Variants in TBC1D32 observed in about 807,000 individuals in gnomAD.
The protein encoded by TBC1D32 is TBC1 domain family member 32, also known as protein broad-minded.
In TBC1D32, 151 loss-of-function variants were observed where a neutral mutation model predicts 170.3. The ratio of observed to expected loss-of-function variants is 0.89; its 90% CI spans 0.78 to 1.01. The LOEUF is 1.01. Ranked by LOEUF, TBC1D32 falls within the 50% of genes least tolerant of loss-of-function variation. TBC1D32 has a pLI of 0.00. For missense variants in TBC1D32, 1,464 were observed against 1,457.1 expected (o/e 1.00, Z -0.08); for synonymous variants, 498 against 488.0 (o/e 1.02, Z -0.27).
At chr6:121,201,720 T>C (rs1791589020) in intron 22 of TBC1D32, among the ~76,000 whole-genome samples, 1 of 151,164 alleles carries the variant, frequency 6.6e-6, no homozygotes, top group Non-Finnish European at 1.5e-5. Flanking sequence ...TATAAAAGAA[T>C]TTATTTTTAT....
Position 121,279,125 on chromosome 6 carries a change from C to T in TBC1D32, c.1729G>A (p.Glu577Lys). The T allele has an allele frequency of 6.3e-7, 1 of 1,595,966 alleles. No homozygotes were observed. The highest frequency in any genetic ancestry group is 8.5e-7 in the Non-Finnish European group (1 of 1,175,470). The change falls in exon 15 of 32, where the codon GAA becomes AAA. Residue 577 changes from glutamate (E) to lysine (K), a missense_variant. This residue lies in a region of TBC1D32 where 1,363 missense variants were observed against 1,338.1 expected (regional missense o/e 1.02). Coordinates refer to ENST00000398212, the MANE Select transcript of TBC1D32 (RefSeq NM_152730.6). ...CGGATTTAAAATAGCACATACCTTT[C>T]TTCAGAAGAGTTCATATTTGCTCCA... The part of the protein sequence containing the change: ...LYGANMNSSE[E>K]SPTGAHIIAQ...
intron 22 of TBC1D32, among the ~76,000 whole-genome samples, chr6:121,168,712 T>TAATAAAAAAAA (rs748287642): frequency 5.3e-5 from 5 of 93,898 alleles, no homozygotes; most frequent in East Asian, 8.7e-4. Flanking sequence ...TAGAGTATAA[T>TAATAAAAAAAA]AAAAAAAAAA....
chr6:121,334,450 CA>C lies in TBC1D32; in HGVS notation c.-21del. 6.2e-7 allele frequency: 1 copy of C among 1,608,556 alleles called. No homozygotes were observed. Among genetic ancestry groups the C allele is most frequent in the Admixed American group, 1.7e-5 (1 of 59,012 alleles). Reference sequence around the variant, plus strand: ...GGCCATCCTGTTGGAATCAAACGTCCACTCTCATTACTCCAGGTCCGAGCAA... The same window carrying C: ...GGCCATCCTGTTGGAATCAAACGTCCCTCTCATTACTCCAGGTCCGAGCAA... On this transcript the variant is annotated 5_prime_UTR_variant, in exon 1 of 32. It removes the in-frame stop codon of an upstream open reading frame in the 5' UTR. Transcript: ENST00000398212.
chr6:121,253,845 A>G (rs747335402), intron 17 of TBC1D32, among the ~76,000 whole-genome samples: 1 of 152,214 alleles, frequency 6.6e-6, no homozygotes, highest in Non-Finnish European at 1.5e-5. Flanking sequence ...TAAAGAACTA[A>G]AAGTAGAACT....
chr6:121,278,935 G>A (rs1283576069), intron 15 of TBC1D32, among the ~76,000 whole-genome samples, 186 bp downstream of exon 15: 2 of 152,004 alleles, frequency 1.3e-5, no homozygotes, highest in Non-Finnish European at 2.9e-5. Flanking sequence ...GGGGAGTAAG[G>A]AAACCCATCG....
chr6:121,188,604 A>T (rs553426376), intron 22 of TBC1D32, among the ~76,000 whole-genome samples: 1 of 152,212 alleles, frequency 6.6e-6, no homozygotes, highest in East Asian at 1.9e-4. Context: ...TATTTTTAAA[A>T]CCTGGAGATG....
intron 22 of TBC1D32, among the ~76,000 whole-genome samples, chr6:121,194,164 G>A (rs1267595500): frequency 6.6e-6 from 1 of 152,176 alleles, no homozygotes. Flanking sequence ...CGGAGTTTTA[G>A]CTCACGTTGA....
At chr6:121,083,584 T>C (rs1775871516) in intron 31 of TBC1D32, among the ~76,000 whole-genome samples, 1 of 149,680 alleles carries the variant, frequency 6.7e-6, no homozygotes, top group African/African-American at 2.5e-5. Context: ...AAATATGCAT[T>C]CATCTGTTTT....
intron 22 of TBC1D32, among the ~76,000 whole-genome samples, chr6:121,176,419 C>T (rs1308266146): frequency 6.6e-6 from 1 of 152,142 alleles, no homozygotes; most frequent in Non-Finnish European, 1.5e-5. Context: ...GAGAAGTACA[C>T]ATTGAGCATC....
chr6:121,252,176 G>A (rs921084450), intron 17 of TBC1D32, among the ~76,000 whole-genome samples: 8 of 152,136 alleles, frequency 5.3e-5, no homozygotes, highest in African/African-American at 1.9e-4. Flanking sequence ...GATTCCTCAA[G>A]AATCTAGAAC....
At chr6:121,183,186 A>G (rs1285981706) in intron 22 of TBC1D32, among the ~76,000 whole-genome samples, 1 of 152,050 alleles carries the variant, frequency 6.6e-6, no homozygotes, top group Non-Finnish European at 1.5e-5. Context: ...ACTTTTATCA[A>G]GATTTAGAGA....
intron 30 of TBC1D32, among the ~76,000 whole-genome samples, chr6:121,105,507 G>A (rs1778587946): frequency 6.6e-6 from 1 of 151,802 alleles, no homozygotes; most frequent in Non-Finnish European, 1.5e-5. Flanking sequence ...CTCCACCAAC[G>A]AAGGACTGGC....
At position 121,263,569 on chromosome 6, in the gene TBC1D32, T is replaced by C. The variant is rs564857026; in HGVS notation, c.1734-7284A>G. 7.5e-4 allele frequency among the ~76,000 whole-genome samples: 114 copies of C among 152,228 alleles called. 2 individuals are homozygous for C. The South Asian group carries it at 0.022, about 29-fold the overall frequency. On this transcript the variant is annotated intron_variant, in intron 15 of 31. Coordinates refer to ENST00000398212, the MANE Select transcript of TBC1D32 (RefSeq NM_152730.6). ...GAAAATTAACAAGGATACTCAGGAC[T>C]TGAACTCAGCTCTGGATCAAGAGGA...
At chr6:121,299,299 G>C in intron 10 of TBC1D32, 147 bp downstream of exon 10, 1 of 772,358 alleles carries the variant, frequency 1.3e-6, no homozygotes. Context: ...ATGTGTCACA[G>C]GATGGTAGTT....
Position 121,318,264 on chromosome 6 carries a change from A to G in TBC1D32, c.318-592T>C, listed in dbSNP as rs1809206237. ...TGTTAGGAAAAAGATTCCTGAAATC[A>G]TTAGGAGTGTGAATTGGATAATATT... On this transcript the variant is annotated intron_variant, in intron 2 of 31. Coordinates refer to ENST00000398212, the MANE Select transcript of TBC1D32 (RefSeq NM_152730.6). 2.0e-5 allele frequency among the ~76,000 whole-genome samples: 3 copies of G among 152,110 alleles called. No homozygotes were observed. In the South Asian group the frequency reaches 6.2e-4, roughly 31 times the overall value.
intron 11 of TBC1D32, 36 bp downstream of exon 11, chr6:121,294,533 AT>A: frequency 2.0e-6 from 3 of 1,497,440 alleles, no homozygotes; most frequent in Non-Finnish European, 2.7e-6. Flanking sequence ...AAAATTTACC[AT>A]TTTTAAAAGT....
At chr6:121,180,433 GAAAT>G (rs1562794297) in intron 22 of TBC1D32, among the ~76,000 whole-genome samples, 1 of 151,844 alleles carries the variant, frequency 6.6e-6, no homozygotes, top group Non-Finnish European at 1.5e-5. Flanking sequence ...GAAGAACCCA[GAAAT>G]AAATCTACAC....
rs940061369 is a variant in TBC1D32 at position 121,092,300 on chromosome 6, T to G, written c.3466-1259A>C. 2.3e-4 allele frequency among the ~76,000 whole-genome samples: 26 copies of G among 115,090 alleles called. 1 individual carries two copies. Among genetic ancestry groups the G allele is most frequent in the East Asian group, 1.2e-3 (5 of 4,244 alleles). The allele number at this position is 115,090 out of a possible 152,430, so 75.5% of individuals were successfully genotyped here. A position where few individuals can be genotyped will look rare whatever the true frequency, so the allele number is the denominator to read the frequency against. On this transcript the variant is annotated intron_variant, in intron 30 of 31. Transcript: ENST00000398212. ...CTTCTCCTTCAGTTTTATGTTTTTT[T>G]TTTTTTTTTTTTTTTTTTTTTTTGG...
intron 10 of TBC1D32, among the ~76,000 whole-genome samples, chr6:121,296,433 T>C (rs1805656022): frequency 6.6e-6 from 1 of 152,112 alleles, no homozygotes; most frequent in Non-Finnish European, 1.5e-5. Flanking sequence ...CCTAGAAATC[T>C]GCATTTCAAA....
Sources: allele counts gnomAD v4.1 joint callset (sites outside exome capture counted in the v4.1 genomes callset), GRCh38; gene constraint gnomAD v4.1.1; regional missense constraint gnomAD v4.1.1; transcripts MANE v1.5; gene names NCBI Gene and HGNC (gene_info 2026-07-23, HGNC 2026-07-21).